Variants in FRY observed in about 807,000 individuals in gnomAD.
FRY encodes FRY microtubule binding protein.
A neutral mutation model predicts 348.4 loss-of-function variants in FRY; 128 were observed. That is an observed-to-expected ratio of 0.37 (90% CI 0.32 to 0.43). FRY has a LOEUF of 0.43. FRY is among the 20% of genes least tolerant of loss of function. The probability of loss-of-function intolerance (pLI) is 1.00; values close to 1 mark genes in which losing one functional copy is unlikely to be tolerated. For synonymous variants in FRY, 1,370 were observed against 1,374.7 expected (o/e 1.00, Z 0.08); for missense variants, 2,736 against 3,695.2 (o/e 0.74, Z 6.73).
At chr13:32,043,119 T>A (rs1253173090) in intron 1 of FRY, among the ~76,000 whole-genome samples, 1 of 152,200 alleles carries the variant, frequency 6.6e-6, no homozygotes, top group Non-Finnish European at 1.5e-5. Context: ...ACACCTCACA[T>A]GGCAGCGGCA....
At chr13:32,179,456 G>A (rs1401479610) in intron 22 of FRY, among the ~76,000 whole-genome samples, 1 of 150,070 alleles carries the variant, frequency 6.7e-6, no homozygotes, top group Non-Finnish European at 1.5e-5. Context: ...AATTTCTTTA[G>A]AATTTGTGTT....
rs773824706 is a variant in FRY, at chr13:32,185,055, C to A, written c.3226C>A (p.Leu1076Ile). The A allele has an allele frequency of 6.2e-6, 10 of 1,613,786 alleles. No individual in the cohort carries two copies. Among genetic ancestry groups the A allele is most frequent in the Non-Finnish European group, 8.5e-6 (10 of 1,179,720 alleles). Residue 1076 changes from leucine (L) to isoleucine (I), a missense_variant, in exon 26 of 61, where the codon CTA becomes ATA. By Grantham distance (5) the Leu-to-Ile change is conservative. Transcript: ENST00000542859. ...LEYVDLTRML[L>I]EAENDKEVEI... ...ATATGTGGACTTGACCCGCATGCTCCTAGAAGCTGAAAATGACAAAGAAGT... is the reference window on the plus strand; with the variant it reads ...ATATGTGGACTTGACCCGCATGCTCATAGAAGCTGAAAATGACAAAGAAGT...
In FRY at chr13:32,297,839, A is replaced by T. The variant is rs908258359; in HGVS notation, c.*2379A>T. On this transcript the variant is annotated 3_prime_UTR_variant, in exon 61 of 61. Coordinates refer to ENST00000542859, the MANE Select transcript of FRY (RefSeq NM_023037.3). ...GTAGAAGTACCAAAGGAAAGGGTAG[A>T]TATTTAACAGATGCCTCAGTGATAA... is the stretch of plus-strand genomic sequence containing the variant. 1.3e-5 allele frequency: 2 copies of T among 152,222 alleles called. No individual in the cohort carries two copies. Among genetic ancestry groups the T allele is most frequent in the African/African-American group, 2.4e-5 (1 of 41,452 alleles). The allele number at this position is 152,222 out of a possible 1,614,324, so 9.4% of individuals were successfully genotyped here.
chr13:32,073,205 G>T (rs998727236), intron 1 of FRY, among the ~76,000 whole-genome samples: 23 of 152,158 alleles, frequency 1.5e-4, no homozygotes, highest in African/African-American at 5.6e-4. Flanking sequence ...CAGGAAGATG[G>T]GAAAGCAGTG....
At chr13:32,192,802 A>G (rs1323408877) in intron 28 of FRY, among the ~76,000 whole-genome samples, 3 of 132,762 alleles carry the variant, frequency 2.3e-5, no homozygotes, top group African/African-American at 8.7e-5. Flanking sequence ...GGAGTGCAGT[A>G]GCGCCATCTC....
intron 28 of FRY, 147 bp from the exon 29 acceptor site, chr13:32,193,996 G>A: frequency 1.3e-6 from 1 of 759,096 alleles, no homozygotes; most frequent in South Asian, 1.4e-5. Flanking sequence ...TTATACTCTT[G>A]AAGAATATAT....
intron 59 of FRY, among the ~76,000 whole-genome samples, chr13:32,290,778 G>A (rs1889301318): frequency 6.6e-6 from 1 of 151,838 alleles, no homozygotes; most frequent in Admixed American, 6.6e-5. Context: ...GAGGAGGAAG[G>A]AAATGTGAGA....
intron 17 of FRY, among the ~76,000 whole-genome samples, chr13:32,163,897 T>C (rs1881591154): frequency 6.6e-6 from 1 of 152,162 alleles, no homozygotes; most frequent in African/African-American, 2.4e-5. Flanking sequence ...TCTTTTTTCT[T>C]TTTTTTCTGA....
intron 2 of FRY, among the ~76,000 whole-genome samples, chr13:32,101,500 G>A (rs1678425004): frequency 6.6e-6 from 1 of 152,130 alleles, no homozygotes; most frequent in Admixed American, 6.6e-5. Context: ...CTGAATTGCT[G>A]GATCATATGG....
At chr13:32,238,049 A>G in intron 44 of FRY, 63 bp downstream of exon 44, 1 of 1,561,168 alleles carries the variant, frequency 6.4e-7, no homozygotes, top group East Asian at 2.2e-5. Flanking sequence ...CATTTGGTAC[A>G]ATAAGATAAT....
chr13:32,294,015 A>G (rs1889507087), intron 59 of FRY, among the ~76,000 whole-genome samples: 1 of 152,108 alleles, frequency 6.6e-6, no homozygotes, highest in African/African-American at 2.4e-5. Context: ...CCTACAGTAC[A>G]CTGCAGAGCC....
intron 3 of FRY, among the ~76,000 whole-genome samples, chr13:32,107,239 C>G (rs1391131441): frequency 6.6e-6 from 1 of 152,160 alleles, no homozygotes; most frequent in Non-Finnish European, 1.5e-5. Context: ...TGCCTGTAAT[C>G]CCAGCTACTT....
chr13:32,073,727 A>T (rs1188667383), intron 1 of FRY, among the ~76,000 whole-genome samples: 1 of 152,242 alleles, frequency 6.6e-6, no homozygotes, highest in East Asian at 1.9e-4. Flanking sequence ...ATGAATGAGT[A>T]AGTCAGTGAA....
chr13:32,212,461 G>A (rs1212130334), intron 35 of FRY, 79 bp downstream of exon 35: 1 of 900,080 alleles, frequency 1.1e-6, no homozygotes, highest in African/African-American at 1.7e-5. Flanking sequence ...CAGGTTTGTG[G>A]AGTTTCATAA....
chr13:32,140,661 C>T (rs952914137), intron 11 of FRY, among the ~76,000 whole-genome samples: 10 of 152,026 alleles, frequency 6.6e-5, no homozygotes, highest in Middle Eastern at 3.2e-3. Flanking sequence ...TTGAGAATGA[C>T]GCATTCAGGG....
chr13:32,158,343 C>T (rs754408006), intron 16 of FRY, among the ~76,000 whole-genome samples: 12 of 152,260 alleles, frequency 7.9e-5, no homozygotes, highest in Non-Finnish European at 1.8e-4. Flanking sequence ...TATGTGTATA[C>T]ATACCTCCTT....
chr13:32,212,347 TGAG>T lies in FRY; in HGVS notation c.4651_4653del (p.Glu1551del). On this transcript the variant is annotated inframe_deletion, in exon 35 of 61. Transcript: ENST00000542859. ...CTGGCCAGGAAAATTTCCCAGATGCTGAGGAGAACAAGATATTGAAAGAATCTG... is the reference window on the plus strand; with the variant it reads ...CTGGCCAGGAAAATTTCCCAGATGCTGAGAACAAGATATTGAAAGAATCTG... 2 of 1,609,688 alleles carry T rather than the reference TGAG, an allele frequency of 1.2e-6. No individual in the cohort carries two copies. Among genetic ancestry groups the T allele is most frequent in the South Asian group, 1.1e-5 (1 of 90,600 alleles).
chr13:32,125,637 T>C (rs568197475), intron 7 of FRY, among the ~76,000 whole-genome samples: 1 of 152,286 alleles, frequency 6.6e-6, no homozygotes, highest in South Asian at 2.1e-4. Context: ...CTTCAAGGGA[T>C]TGAATTTCGT....
chr13:32,172,548 G>A (rs1317545959), intron 18 of FRY, among the ~76,000 whole-genome samples: 3 of 152,194 alleles, frequency 2.0e-5, no homozygotes, highest in African/African-American at 7.2e-5. Flanking sequence ...GCGCATTGAG[G>A]AGGAGTGTTG....
Sources: gnomAD v4.1 joint callset for allele counts (sites outside exome capture counted in the v4.1 genomes callset) on GRCh38, gnomAD v4.1.1 for gene constraint, MANE v1.5 for transcripts, NCBI Gene and HGNC (gene_info 2026-07-23, HGNC 2026-07-21) for gene names.